Variants in MAST4 observed in about 807,000 individuals in gnomAD.
MAST4 encodes the protein microtubule-associated serine/threonine-protein kinase 4.
Under a neutral mutation model 162.7 loss-of-function variants are expected in MAST4, and 89 were observed. The ratio of observed to expected loss-of-function variants is 0.55; its 90% CI spans 0.46 to 0.65. MAST4 has a LOEUF of 0.65. Ranked by LOEUF, MAST4 falls within the 30% of genes least tolerant of loss-of-function variation. MAST4 has a pLI of 0.00. For missense variants in MAST4, 3,153 were observed against 3,374.0 expected (o/e 0.93, Z 1.62); for synonymous variants, 1,479 against 1,361.1 (o/e 1.09, Z -1.91).
At chr5:66,881,131 A>C (rs181980806) in intron 3 of MAST4, among the ~76,000 whole-genome samples, 8 of 152,320 alleles carry the variant, frequency 5.3e-5, no homozygotes, top group Admixed American at 5.2e-4. Context: ...TTTGTAGCAA[A>C]TTTTATAATT....
At chr5:66,765,376 C>T (rs1754047928) in intron 2 of MAST4, among the ~76,000 whole-genome samples, 3 of 152,160 alleles carry the variant, frequency 2.0e-5, no homozygotes, top group Non-Finnish European at 4.4e-5. Context: ...GCATATCCTC[C>T]TGTAAGCTTT....
chr5:66,923,645 C>G (rs1286880549), intron 4 of MAST4, among the ~76,000 whole-genome samples: 1 of 152,128 alleles, frequency 6.6e-6, no homozygotes, highest in Non-Finnish European at 1.5e-5. Context: ...CTAAGGGTAA[C>G]CAAACTCATG....
chr5:66,736,179 G>A (rs776767860), intron 1 of MAST4, among the ~76,000 whole-genome samples: 3 of 152,062 alleles, frequency 2.0e-5, no homozygotes, highest in Admixed American at 6.5e-5. Flanking sequence ...CATAAACATT[G>A]TTATAGAAGT....
At chr5:66,817,701 G>A (rs1323745618) in intron 3 of MAST4, among the ~76,000 whole-genome samples, 1 of 152,142 alleles carries the variant, frequency 6.6e-6, no homozygotes, top group East Asian at 1.9e-4. Flanking sequence ...GATAATGGGA[G>A]GCATAATTGT....
chr5:66,832,334 T>G (rs982075606), intron 3 of MAST4, among the ~76,000 whole-genome samples: 2 of 152,164 alleles, frequency 1.3e-5, no homozygotes, highest in African/African-American at 4.8e-5. Flanking sequence ...CAATGAAATG[T>G]TTATTGTTTA....
intron 1 of MAST4, among the ~76,000 whole-genome samples, chr5:66,680,553 C>T (rs1042373430): frequency 6.6e-6 from 1 of 152,190 alleles, no homozygotes; most frequent in South Asian, 2.1e-4. Flanking sequence ...AAGTCCTTTC[C>T]CCTCTAGCTT....
chr5:66,685,317 A>C (rs969094332), intron 1 of MAST4, among the ~76,000 whole-genome samples: 22 of 142,368 alleles, frequency 1.5e-4, no homozygotes, highest in Middle Eastern at 3.6e-3. Flanking sequence ...CACACACCCC[A>C]AAAACCCCCA....
intron 4 of MAST4, among the ~76,000 whole-genome samples, chr5:67,026,656 G>T (rs1238590466): frequency 1.8e-5 from 2 of 113,416 alleles, no homozygotes; most frequent in Non-Finnish European, 3.6e-5. Flanking sequence ...ACTCTTCTAG[G>T]GTTTCATACA....
chr5:67,078,720 T>TTTATCTAAATA, intron 5 of MAST4, among the ~76,000 whole-genome samples: 1 of 116,432 alleles, frequency 8.6e-6, no homozygotes, highest in African/African-American at 4.3e-5. Context: ...TTTATTTATA[T>TTTATCTAAATA]TATATTTATA....
At chr5:67,131,451 G>A (rs1362325053) in intron 15 of MAST4, among the ~76,000 whole-genome samples, 1 of 152,140 alleles carries the variant, frequency 6.6e-6, no homozygotes, top group Admixed American at 6.6e-5. Context: ...GTCTCAGCTG[G>A]TAAGAGGCAG....
chr5:66,876,732 G>A (rs1453679367), intron 3 of MAST4, among the ~76,000 whole-genome samples: 1 of 152,200 alleles, frequency 6.6e-6, no homozygotes, highest in Non-Finnish European at 1.5e-5. Flanking sequence ...AAGAGGGCAT[G>A]TTTGTATGAG....
chr5:66,788,610 T>G, intron 2 of MAST4, 60 bp from the exon 3 acceptor site: 5 of 489,474 alleles, frequency 1.0e-5, no homozygotes, highest in Non-Finnish European at 1.5e-5. Context: ...CCACCCCCAT[T>G]GCAATAAGAC....
intron 15 of MAST4, 106 bp downstream of exon 15, chr5:67,130,524 A>T: frequency 9.0e-7 from 1 of 1,108,808 alleles, no homozygotes; most frequent in East Asian, 2.4e-5. Flanking sequence ...TCCACCTAGG[A>T]ACTGAAGCCA....
intron 1 of MAST4, among the ~76,000 whole-genome samples, chr5:66,729,780 A>G (rs1006849483): frequency 6.6e-6 from 1 of 152,228 alleles, no homozygotes. Context: ...ATGGGCTTAG[A>G]GAAATATTGT....
At position 67,166,175 on chromosome 5, in the gene MAST4, G is replaced by A. The variant is rs1234122526; in HGVS notation, c.6996G>A (p.Lys2332=). ...AVGEKQTLSP[K]HPKPSTVKDC... ...GTGAAAAGCAAACCCTGTCTCCAAAGCACCCCAAACCATCCACTGTGAAAG... is the reference window on the plus strand; with the variant it reads ...GTGAAAAGCAAACCCTGTCTCCAAAACACCCCAAACCATCCACTGTGAAAG... Residue 2332 remains lysine (K), a synonymous_variant, in exon 29 of 29, where the codon AAG becomes AAA. Coordinates refer to ENST00000403625, the MANE Select transcript of MAST4 (RefSeq NM_001164664.2). The A allele has an allele frequency of 2.6e-6, 4 of 1,556,984 alleles. No homozygotes were observed. The Admixed American group carries it at 5.8e-5, about 23-fold the overall frequency.
At chr5:66,849,169 T>A (rs1461037513) in intron 3 of MAST4, among the ~76,000 whole-genome samples, 1 of 152,182 alleles carries the variant, frequency 6.6e-6, no homozygotes, top group Non-Finnish European at 1.5e-5. Context: ...GGGTTCCATG[T>A]CTAGAGGCTG....
At position 66,845,085 on chromosome 5, in the gene MAST4, T is replaced by TTATA. The variant is rs752796951; in HGVS notation, c.643-54827_643-54824dup. On this transcript the variant is annotated intron_variant, in intron 3 of 28. Coordinates refer to ENST00000403625, the MANE Select transcript of MAST4 (RefSeq NM_001164664.2). ...ACTGACCCATTAAGGTCACTAATCT[T>TTATA]TATATATATATATATATATATATAT... is the stretch of plus-strand genomic sequence containing the variant. 4.3e-3 allele frequency among the ~76,000 whole-genome samples: 248 copies of TTATA among 57,874 alleles called. 2 individuals carry two copies. The highest frequency in any genetic ancestry group is 0.014 in the Middle Eastern group (1 of 72). 38.0% of individuals were successfully genotyped at this position (57,874 alleles called of 152,430 possible). A position where few individuals can be genotyped will look rare whatever the true frequency, so the allele number is the denominator to read the frequency against.
In MAST4 at chr5:67,166,786, C is replaced by G; in HGVS notation, c.7607C>G (p.Pro2536Arg). The G allele has an allele frequency of 6.2e-7, 1 of 1,602,510 alleles. No homozygotes were observed. The highest frequency in any genetic ancestry group is 8.5e-7 in the Non-Finnish European group (1 of 1,175,054). The change falls in exon 29 of 29, where the codon CCC becomes CGC. Residue 2536 changes from proline (P) to arginine (R), a missense_variant. Around this residue, in one of 7 missense-constraint regions of MAST4, gnomAD observed 1,644 missense variants for 1,495.0 expected, o/e 1.10. Coordinates refer to ENST00000403625, the MANE Select transcript of MAST4 (RefSeq NM_001164664.2). ...VSTLPLESHH[P>R]DPNTMGGASH... Reference sequence around the variant, plus strand: ...ACCCTGCCTCTGGAGTCACACCACCCCGACCCAAACACCATGGGCGGGGCC... The same window carrying G: ...ACCCTGCCTCTGGAGTCACACCACCGCGACCCAAACACCATGGGCGGGGCC...
Position 66,596,885 on chromosome 5 carries a change from C to G in MAST4, c.230C>G (p.Ala77Gly). ...TTGGGAGGCACCCTGGGCGCCCGGG[C>G]GCCCGCCGCGTGGGCTCCGGCAAGC... is the stretch of plus-strand genomic sequence containing the variant. ...PPLGGTLGARAPAAWAPASVL... is the reference protein window; with the variant it reads ...PPLGGTLGARGPAAWAPASVL... The change falls in exon 1 of 29, where the codon GCG becomes GGG. Residue 77 changes from alanine (A) to glycine (G), a missense_variant. This residue lies in a region of MAST4 where 327 missense variants were observed against 336.5 expected (regional missense o/e 0.97). Transcript: ENST00000403625. The G allele has an allele frequency of 7.7e-6, 10 of 1,292,886 alleles. No homozygotes were observed. Among genetic ancestry groups the G allele is most frequent in the Non-Finnish European group, 8.8e-6 (9 of 1,023,578 alleles). The allele number at this position is 1,292,886 out of a possible 1,614,324, so 80.1% of individuals were successfully genotyped here. A position where few individuals can be genotyped will look rare whatever the true frequency, so the allele number is the denominator to read the frequency against.
Sources: allele counts gnomAD v4.1 joint callset (sites outside exome capture counted in the v4.1 genomes callset), GRCh38; gene constraint gnomAD v4.1.1; regional missense constraint gnomAD v4.1.1; transcripts MANE v1.5; gene names NCBI Gene and HGNC (gene_info 2026-07-23, HGNC 2026-07-21).